The following CRMP1 variants were observed in gnomAD, a reference collection of about 807,000 sequenced individuals.
CRMP1 encodes the protein dihydropyrimidinase-related protein 1.
Under a neutral mutation model 68.3 loss-of-function variants are expected in CRMP1, and 19 were observed. The observed-to-expected ratio is 0.28, with a 90% confidence interval of 0.19 to 0.41. The LOEUF (loss-of-function observed/expected upper bound fraction) is 0.41. Among genes scored for constraint, CRMP1 ranks in the 10% least tolerant of loss-of-function variants. The probability of loss-of-function intolerance (pLI) is 1.00; values close to 1 mark genes in which losing one functional copy is unlikely to be tolerated. For synonymous variants in CRMP1, 439 were observed against 399.6 expected (o/e 1.10, Z -1.18); for missense variants, 791 against 967.4 (o/e 0.82, Z 2.42).
chr4:5,889,561 C>A lies in CRMP1; in HGVS notation c.381+3028G>T. 1 of 1,534,506 alleles carries A rather than the reference C, an allele frequency of 6.5e-7. No individual in the cohort carries two copies. The highest frequency in any genetic ancestry group is 1.2e-5 in the South Asian group (1 of 84,030). On this transcript the variant is annotated intron_variant, in intron 1 of 13. Transcript: ENST00000324989. The surrounding 1 kb of genome is among the most constrained non-coding windows in gnomAD (Gnocchi z 4.5). ...AAAGAAGATGGAGGAAAAGGGGGAG[C>A]CCCAGCAAGCCCCAACCTCACTGGA... is the stretch of plus-strand genomic sequence containing the variant.
chr4:5,826,023 A>T, intron 12 of CRMP1: 1 of 316,860 alleles, frequency 3.2e-6, no homozygotes, highest in Admixed American at 5.6e-5. Flanking sequence ...ACACACTTAA[A>T]TCACATACAG....
In CRMP1 at chr4:5,854,793, A is replaced by T. The variant is rs1712930975; in HGVS notation, c.820+1350T>A. Among the ~76,000 whole-genome samples, 1 of 152,168 alleles carries T rather than the reference A, an allele frequency of 6.6e-6. No homozygotes were observed. Among genetic ancestry groups the T allele is most frequent in the Non-Finnish European group, 1.5e-5 (1 of 68,018 alleles). ...CTAGAGATTCTGGCATAGGATTTGC[A>T]GGGGTACAAGGGGATGCATCTTTCA... On this transcript the variant is annotated intron_variant, in intron 4 of 13. Transcript: ENST00000324989. This position sits in a 1 kb window ranked among gnomAD's most constrained non-coding sequence, Gnocchi z 4.0.
Position 5,889,187 on chromosome 4 carries a change from T to G in CRMP1, c.381+3402A>C, listed in dbSNP as rs1217248532. ...GGCCTCTAAGGTGGAGCCCCCTAAC[T>G]GGCAGAGGGAACAGCAGGGACAGAA... is the stretch of plus-strand genomic sequence containing the variant. On this transcript the variant is annotated intron_variant, in intron 1 of 13. Coordinates refer to ENST00000324989, the MANE Select transcript of CRMP1 (RefSeq NM_001014809.3). This position sits in a 1 kb window ranked among gnomAD's most constrained non-coding sequence, Gnocchi z 4.5. Among the ~76,000 whole-genome samples the G allele has an allele frequency of 6.6e-6, 1 of 152,120 alleles. No homozygotes were observed. Among genetic ancestry groups the G allele is most frequent in the East Asian group, 1.9e-4 (1 of 5,176 alleles).
chr4:5,873,826 G>T (rs754691622), intron 1 of CRMP1, among the ~76,000 whole-genome samples: 7 of 152,188 alleles, frequency 4.6e-5, no homozygotes, highest in Non-Finnish European at 1.0e-4. Flanking sequence ...TGACCTCAAA[G>T]TGGGGAATCT....
At position 5,889,507 on chromosome 4, in the gene CRMP1, A is replaced by T; in HGVS notation, c.381+3082T>A. ...CAGGAAGCCAGGTCACAGCTTGACAAGGTCCGTAACAGCAGAGGGGAAAAG... is the reference window on the plus strand; with the variant it reads ...CAGGAAGCCAGGTCACAGCTTGACATGGTCCGTAACAGCAGAGGGGAAAAG... On this transcript the variant is annotated intron_variant, in intron 1 of 13. Transcript: ENST00000324989. This position sits in a 1 kb window ranked among gnomAD's most constrained non-coding sequence, Gnocchi z 4.5. The T allele has an allele frequency of 1.8e-5, 26 of 1,481,350 alleles. No individual in the cohort carries two copies. Among genetic ancestry groups the T allele is most frequent in the Non-Finnish European group, 2.4e-5 (26 of 1,098,786 alleles). 91.8% of individuals were successfully genotyped at this position (1,481,350 alleles called of 1,614,324 possible).
chr4:5,885,324 G>A (rs1239379722), intron 1 of CRMP1, among the ~76,000 whole-genome samples: 2 of 152,090 alleles, frequency 1.3e-5, no homozygotes, highest in Non-Finnish European at 2.9e-5. Flanking sequence ...AGGCTCAGAG[G>A]GGCACAGGAT....
At chr4:5,875,584 T>A (rs1221905576) in intron 1 of CRMP1, among the ~76,000 whole-genome samples, 2 of 151,950 alleles carry the variant, frequency 1.3e-5, no homozygotes, top group Non-Finnish European at 2.9e-5. Context: ...TTCCACAATA[T>A]AAATAGGAGT....
chr4:5,856,970 T>TCACCAC (rs1713143646), intron 3 of CRMP1, among the ~76,000 whole-genome samples: 1 of 141,118 alleles, frequency 7.1e-6, no homozygotes, highest in African/African-American at 2.7e-5. Context: ...TCCACTATCA[T>TCACCAC]CACCACCATC....
rs1476098354 is a variant in CRMP1, at chr4:5,890,756, G to C, written c.381+1833C>G. ...TCCCCAAGGGTCAGGGCGCAGCTGC[G>C]GGGCTGGCCCAGGCTGCGCCCTGGG... On this transcript the variant is annotated intron_variant, in intron 1 of 13. Transcript: ENST00000324989. The surrounding 1 kb of genome is among the most constrained non-coding windows in gnomAD (Gnocchi z 5.5). Among the ~76,000 whole-genome samples the C allele has an allele frequency of 6.6e-6, 1 of 152,154 alleles. No homozygotes were observed. The highest frequency in any genetic ancestry group is 1.5e-5 in the Non-Finnish European group (1 of 68,016).
intron 11 of CRMP1, among the ~76,000 whole-genome samples, chr4:5,832,082 C>T (rs904351939): frequency 1.3e-5 from 2 of 152,226 alleles, no homozygotes; most frequent in African/African-American, 2.4e-5. Flanking sequence ...TAAAAGGCCA[C>T]ATATTGGATG....
rs58583102 is a variant in CRMP1, at chr4:5,891,175, TACACACACACACAC to T, written c.381+1400_381+1413del. On this transcript the variant is annotated intron_variant, in intron 1 of 13. Transcript: ENST00000324989. The surrounding 1 kb of genome is among the most constrained non-coding windows in gnomAD (Gnocchi z 5.2). The stretch of plus-strand genomic sequence containing the variant: ...TGATCACCCCACCACCACACACACA[TACACACACACACAC>T]ACACACACACACACACACACACACC... 2.0e-4 allele frequency among the ~76,000 whole-genome samples: 26 copies of T among 132,058 alleles called. No homozygotes were observed. Among genetic ancestry groups the T allele is most frequent in the African/African-American group, 7.0e-4 (24 of 34,492 alleles). The allele number at this position is 132,058 out of a possible 152,430, so 86.6% of individuals were successfully genotyped here. A position where few individuals can be genotyped will look rare whatever the true frequency, so the allele number is the denominator to read the frequency against.
Position 5,892,771 on chromosome 4 carries a change from C to A in CRMP1, c.199G>T (p.Ala67Ser), listed in dbSNP as rs1036772171. The change falls in exon 1 of 14, where the codon GCT becomes TCT. Residue 67 changes from alanine to serine, a missense_variant. Around this residue, in one of 3 missense-constraint regions of CRMP1, gnomAD observed 193 missense variants for 186.3 expected, o/e 1.04. Coordinates refer to ENST00000324989, the MANE Select transcript of CRMP1 (RefSeq NM_001014809.3). The surrounding 1 kb of genome is among the most constrained non-coding windows in gnomAD (Gnocchi z 8.6). ...AGCCCGACCGCGTCGGGCCGGCCAG[C>A]GCTGCGCGGCGTGCGCGCCGAGCCG... is the stretch of plus-strand genomic sequence containing the variant. ...RRGSARTPRS[A>S]GRPDAVGLPG... 39 of 1,281,440 alleles carry A rather than the reference C, an allele frequency of 3.0e-5. No homozygotes were observed. The highest frequency in any genetic ancestry group is 3.9e-5 in the Admixed American group (1 of 25,652). The allele number at this position is 1,281,440 out of a possible 1,614,324, so 79.4% of individuals were successfully genotyped here. A position where few individuals can be genotyped will look rare whatever the true frequency, so the allele number is the denominator to read the frequency against.
At chr4:5,839,351 C>CAGGTCCGTG (rs1315543357) in intron 9 of CRMP1, among the ~76,000 whole-genome samples, 171 bp downstream of exon 9, 21 of 152,196 alleles carry the variant, frequency 1.4e-4, no homozygotes, top group African/African-American at 5.1e-4. Flanking sequence ...CACAGATCTT[C>CAGGTCCGTG]AGGTCCGTGA....
In CRMP1 at chr4:5,852,571, C is replaced by T. The variant is rs565135884; in HGVS notation, c.821-1102G>A. 9.2e-5 allele frequency among the ~76,000 whole-genome samples: 14 copies of T among 152,334 alleles called. No individual in the cohort carries two copies. In the South Asian group the frequency reaches 2.9e-3, roughly 32 times the overall value. Reference sequence around the variant, plus strand: ...TACTGAGAGCCTGCTGTATGCTGGGCATGTGCTAAGCACTTGAGATACAGA... The same window carrying T: ...TACTGAGAGCCTGCTGTATGCTGGGTATGTGCTAAGCACTTGAGATACAGA... On this transcript the variant is annotated intron_variant, in intron 4 of 13. Coordinates refer to ENST00000324989, the MANE Select transcript of CRMP1 (RefSeq NM_001014809.3).
rs1716020256 is a variant in CRMP1, at chr4:5,892,960, G to T, written c.10C>A (p.Arg4=). ...TCCTCGGTGTTCCACGCGCGCCGCC[G>T]GTCCGCCATACCCGTCCAAGGCCGG... The part of the protein sequence containing the change: MAD[R]RRAWNTEDDL... Residue 4 remains arginine, a synonymous_variant, in exon 1 of 14, where the codon CGG becomes AGG. Coordinates refer to ENST00000324989, the MANE Select transcript of CRMP1 (RefSeq NM_001014809.3). This position sits in a 1 kb window ranked among gnomAD's most constrained non-coding sequence, Gnocchi z 8.6. The T allele has an allele frequency of 1.6e-6, 2 of 1,227,450 alleles. No individual in the cohort carries two copies. Among genetic ancestry groups the T allele is most frequent in the Non-Finnish European group, 2.0e-6 (2 of 983,612 alleles). The allele number at this position is 1,227,450 out of a possible 1,614,324, so 76.0% of individuals were successfully genotyped here. A position where few individuals can be genotyped will look rare whatever the true frequency, so the allele number is the denominator to read the frequency against.
chr4:5,888,334 G>T lies in CRMP1; in HGVS notation c.381+4255C>A, dbSNP rs1052321279. 33 of 1,237,966 alleles carry T rather than the reference G, an allele frequency of 2.7e-5. No individual in the cohort carries two copies. The highest frequency in any genetic ancestry group is 3.2e-5 in the Non-Finnish European group (32 of 986,158). The allele number at this position is 1,237,966 out of a possible 1,614,324, so 76.7% of individuals were successfully genotyped here. A position where few individuals can be genotyped will look rare whatever the true frequency, so the allele number is the denominator to read the frequency against. Reference sequence around the variant, plus strand: ...CTGTCTGACTGGAACCGGCGCTCTCGGCCCCGCTCCCAGCGGGCGCGCTGA... The same window carrying T: ...CTGTCTGACTGGAACCGGCGCTCTCTGCCCCGCTCCCAGCGGGCGCGCTGA... On this transcript the variant is annotated intron_variant, in intron 1 of 13. Transcript: ENST00000324989. The surrounding 1 kb of genome is among the most constrained non-coding windows in gnomAD (Gnocchi z 6.4).
intron 1 of CRMP1, chr4:5,887,438 A>T (rs1317863356): frequency 6.1e-6 from 6 of 985,250 alleles, no homozygotes; most frequent in Non-Finnish European, 7.2e-6. Flanking sequence ...CTCCACGCTG[A>T]TGCCAGGCAG....
Position 5,835,633 on chromosome 4 carries a change from T to C in CRMP1, c.1623+282A>G, listed in dbSNP as rs896479069. On this transcript the variant is annotated intron_variant, in intron 11 of 13. Transcript: ENST00000324989. Reference sequence around the variant, plus strand: ...TGAAGCTTACACATTATAAGCAGTGTCAGATGGCTGGGAACACATGCATCC... The same window carrying C: ...TGAAGCTTACACATTATAAGCAGTGCCAGATGGCTGGGAACACATGCATCC... 2.0e-5 allele frequency among the ~76,000 whole-genome samples: 3 copies of C among 152,106 alleles called. No individual in the cohort carries two copies. In the East Asian group the frequency reaches 5.8e-4, roughly 29 times the overall value.
rs922925637 is a variant in CRMP1, at chr4:5,866,471, C to CG, written c.470+196dup. On this transcript the variant is annotated intron_variant, in intron 2 of 13. Transcript: ENST00000324989. The surrounding 1 kb of genome is among the most constrained non-coding windows in gnomAD (Gnocchi z 5.9). ...CAGCCGTGTGGCAGGGAGCCTAGCC[C>CG]GGGGGGGCACCCAAGAAATGCCAGC... Among the ~76,000 whole-genome samples, 70 of 152,084 alleles carry CG rather than the reference C, an allele frequency of 4.6e-4. No individual in the cohort carries two copies. Among genetic ancestry groups the CG allele is most frequent in the African/African-American group, 1.6e-3 (68 of 41,418 alleles).
Sources: gnomAD v4.1 joint callset for allele counts (sites outside exome capture counted in the v4.1 genomes callset) on GRCh38, gnomAD v4.1.1 for gene constraint, gnomAD v4.1.1 regional missense constraint, Gnocchi (gnomAD v3.1) non-coding constraint, MANE v1.5 for transcripts, NCBI Gene and HGNC (gene_info 2026-07-23, HGNC 2026-07-21) for gene names.